Variants in LAMA3 observed in about 807,000 individuals in gnomAD.
The protein encoded by LAMA3 is laminin subunit alpha 3, also known as laminin subunit alpha-3.
Under a neutral mutation model 402.0 loss-of-function variants are expected in LAMA3, and 281 were observed. The observed-to-expected ratio is 0.70, with a 90% CI of 0.63 to 0.77. The LOEUF is 0.77. Ranked by LOEUF, LAMA3 falls within the 30% of genes least tolerant of loss-of-function variation. LAMA3 has a pLI of 0.00. For missense variants in LAMA3, 3,840 were observed against 4,215.5 expected (o/e 0.91, Z 2.47); for synonymous variants, 1,431 against 1,558.4 (o/e 0.92, Z 1.93).
chr18:23,880,262 G>A (rs1015751937), intron 39 of LAMA3, among the ~76,000 whole-genome samples: 3 of 152,148 alleles, frequency 2.0e-5, no homozygotes, highest in Non-Finnish European at 4.4e-5. Context: ...TCCGGATAGG[G>A]GTGAGCTTTC....
At chr18:23,724,802 A>G (rs1410240435) in intron 2 of LAMA3, among the ~76,000 whole-genome samples, 1 of 152,176 alleles carries the variant, frequency 6.6e-6, no homozygotes. Context: ...CGGAAGCTTG[A>G]GTTAAATGTG....
At chr18:23,702,306 C>A (rs1270792665) in intron 1 of LAMA3, among the ~76,000 whole-genome samples, 1 of 152,146 alleles carries the variant, frequency 6.6e-6, no homozygotes, top group East Asian at 1.9e-4. Flanking sequence ...CGGCAAGCAT[C>A]TTCCTTTCTA....
In LAMA3 at chr18:23,954,819, G is replaced by T. The variant is rs2083057509; in HGVS notation, c.*171G>T. On this transcript the variant is annotated 3_prime_UTR_variant, in exon 75 of 75. Transcript: ENST00000313654. ...GATACCCATCACTTTGGCATTCAGT[G>T]CTACATGTGTATTTTATATAAAAAT... 1 of 672,966 alleles carries T rather than the reference G, an allele frequency of 1.5e-6. No homozygotes were observed. Among genetic ancestry groups the T allele is most frequent in the Non-Finnish European group, 2.6e-6 (1 of 378,246 alleles). 41.7% of individuals were successfully genotyped at this position (672,966 alleles called of 1,614,324 possible).
chr18:23,754,314 C>T (rs908552564), intron 6 of LAMA3, among the ~76,000 whole-genome samples: 3 of 152,132 alleles, frequency 2.0e-5, no homozygotes, highest in African/African-American at 4.8e-5. Context: ...ATTCTATACC[C>T]GTTAAACAAC....
Position 23,839,949 on chromosome 18 carries a change from C to T in LAMA3, c.3336+20C>T, listed in dbSNP as rs749136888. ...CCGCAGGTAGTGTGCTGTTTCTAAA[C>T]CAGTGGTTCTCAAAGTATGACCTCT... On this transcript the variant is annotated intron_variant, in intron 27 of 74. Coordinates refer to ENST00000313654, the MANE Select transcript of LAMA3 (RefSeq NM_198129.4). This position sits in a 1 kb window ranked among gnomAD's most constrained non-coding sequence, Gnocchi z 4.5. The T allele has an allele frequency of 1.2e-6, 2 of 1,613,666 alleles. No individual in the cohort carries two copies. Among genetic ancestry groups the T allele is most frequent in the Non-Finnish European group, 8.5e-7 (1 of 1,179,562 alleles).
chr18:23,953,230 G>C, intron 74 of LAMA3, 121 bp downstream of exon 74: 1 of 1,315,056 alleles, frequency 7.6e-7, no homozygotes, highest in Non-Finnish European at 1.1e-6. Context: ...CTTTGCACTG[G>C]CATGTGGGGA....
intron 32 of LAMA3, among the ~76,000 whole-genome samples, chr18:23,848,061 T>G (rs961249832): frequency 3.3e-5 from 5 of 152,236 alleles, no homozygotes; most frequent in Non-Finnish European, 7.3e-5. Context: ...TATTTAGGTA[T>G]GAGCTTCATA....
Position 23,954,618 on chromosome 18 carries a change from T to C in LAMA3, c.9972T>C (p.Pro3324=). Residue 3324 remains proline (P), a synonymous_variant, in exon 75 of 75, where the codon CCT becomes CCC. Transcript: ENST00000313654. The stretch of plus-strand genomic sequence containing the variant: ...CTGAAGCCTTGGAAGTCCAGGGGCC[T>C]GTCAGTCTGAATGGTTGTCCTGACC... ...PVTEALEVQG[P]VSLNGCPDQ is the part of the protein sequence containing the mutation. The C allele has an allele frequency of 6.2e-7, 1 of 1,614,082 alleles. No individual in the cohort carries two copies. The highest frequency in any genetic ancestry group is 8.5e-7 in the Non-Finnish European group (1 of 1,179,968).
chr18:23,697,718 A>T (rs2060709599), intron 1 of LAMA3, among the ~76,000 whole-genome samples: 2 of 129,234 alleles, frequency 1.5e-5, no homozygotes, highest in Non-Finnish European at 3.2e-5. Context: ...CCCCAAAAAA[A>T]AATCCCGAAT....
chr18:23,703,804 G>A (rs1049856768), intron 1 of LAMA3, among the ~76,000 whole-genome samples: 3 of 152,116 alleles, frequency 2.0e-5, no homozygotes, highest in East Asian at 1.9e-4. Flanking sequence ...TGTGGGAGTC[G>A]CAGAGCTGGG....
intron 18 of LAMA3, among the ~76,000 whole-genome samples, chr18:23,818,963 C>T (rs1474889236): frequency 1.3e-5 from 2 of 152,098 alleles, no homozygotes; most frequent in African/African-American, 4.8e-5. Flanking sequence ...TCTACAAAAT[C>T]TTTCTTTAGA....
At chr18:23,784,197 C>G (rs1471615309) in intron 12 of LAMA3, 40 bp downstream of exon 12, 1 of 1,612,352 alleles carries the variant, frequency 6.2e-7, no homozygotes, top group Non-Finnish European at 8.5e-7. Context: ...ATCAATCCCT[C>G]AAGATAAATT....
chr18:23,927,741 A>C (rs2082047234), intron 62 of LAMA3, among the ~76,000 whole-genome samples: 1 of 152,226 alleles, frequency 6.6e-6, no homozygotes, highest in Admixed American at 6.5e-5. Flanking sequence ...TTATTAATAT[A>C]TATGTATATC....
Position 23,890,773 on chromosome 18 carries a change from A to T in LAMA3, c.5410+656A>T, listed in dbSNP as rs546072388. 3.3e-5 allele frequency among the ~76,000 whole-genome samples: 5 copies of T among 152,338 alleles called. 1 individual carries two copies. In the South Asian group the frequency reaches 1.0e-3, roughly 32 times the overall value. Reference sequence around the variant, plus strand: ...CAAGTTGAAGAACTAAACCCTGGATATGTGGATTCCAGCTGGTCAAGTGAC... The same window carrying T: ...CAAGTTGAAGAACTAAACCCTGGATTTGTGGATTCCAGCTGGTCAAGTGAC... On this transcript the variant is annotated intron_variant, in intron 42 of 74. Coordinates refer to ENST00000313654, the MANE Select transcript of LAMA3 (RefSeq NM_198129.4).
chr18:23,847,318 C>G, intron 31 of LAMA3, 146 bp from the exon 32 acceptor site: 1 of 853,342 alleles, frequency 1.2e-6, no homozygotes. Flanking sequence ...TGTGGTTGGT[C>G]TTGACTCCAA....
chr18:23,829,103 A>T (rs188743367), intron 23 of LAMA3, among the ~76,000 whole-genome samples: 1 of 152,316 alleles, frequency 6.6e-6, no homozygotes, highest in Admixed American at 6.5e-5. Context: ...GGGAGACACT[A>T]ACTGACTATA....
intron 1 of LAMA3, among the ~76,000 whole-genome samples, chr18:23,708,304 G>A (rs1030622425): frequency 6.6e-6 from 1 of 152,170 alleles, no homozygotes; most frequent in African/African-American, 2.4e-5. Context: ...TGAAGGGCAA[G>A]TTTCCTCCTC....
At chr18:23,851,454 T>C (rs999584928) in intron 32 of LAMA3, among the ~76,000 whole-genome samples, 1 of 152,204 alleles carries the variant, frequency 6.6e-6, no homozygotes, top group Non-Finnish European at 1.5e-5. Context: ...GGTATATTAC[T>C]TCTGTCCTCT....
intron 1 of LAMA3, among the ~76,000 whole-genome samples, chr18:23,706,876 C>T (rs371003169): frequency 1.8e-4 from 28 of 152,186 alleles, no homozygotes; most frequent in African/African-American, 5.1e-4. Context: ...GTCAGGAGTT[C>T]GAGACCAGCC....
Sources: allele counts gnomAD v4.1 joint callset (sites outside exome capture counted in the v4.1 genomes callset), GRCh38; gene constraint gnomAD v4.1.1; non-coding constraint Gnocchi (gnomAD v3.1); transcripts MANE v1.5; gene names NCBI Gene and HGNC (gene_info 2026-07-23, HGNC 2026-07-21).